Variants in GRM7 observed in about 807,000 individuals in gnomAD.
GRM7 encodes metabotropic glutamate receptor 7.
GRM7 carries 35 observed loss-of-function variants against 84.5 expected under a neutral mutation model. That is an observed-to-expected ratio of 0.41 (90% CI 0.32 to 0.55). The LOEUF (loss-of-function observed/expected upper bound fraction) is 0.55. Ranked by LOEUF, GRM7 falls within the 20% of genes least tolerant of loss-of-function variation. The pLI, the probability that GRM7 is intolerant of heterozygous loss-of-function variation, is 0.19. For missense variants in GRM7, 1,003 were observed against 1,194.6 expected (o/e 0.84, Z 2.36); for synonymous variants, 487 against 455.1 (o/e 1.07, Z -0.89).
chr3:7,390,078 G>A (rs73013671), intron 4 of GRM7, among the ~76,000 whole-genome samples: 1 of 152,038 alleles, frequency 6.6e-6, no homozygotes, highest in Non-Finnish European at 1.5e-5. Flanking sequence ...GTGATTGCTT[G>A]TCTGGGAAAT....
chr3:7,167,304 C>T (rs1350053259), intron 2 of GRM7, among the ~76,000 whole-genome samples: 1 of 152,200 alleles, frequency 6.6e-6, no homozygotes, highest in African/African-American at 2.4e-5. Context: ...GCCTGTGACA[C>T]AGGGCCCTCA....
chr3:7,457,872 G>T (rs1698083808), intron 6 of GRM7, among the ~76,000 whole-genome samples: 1 of 152,162 alleles, frequency 6.6e-6, no homozygotes, highest in Non-Finnish European at 1.5e-5. Flanking sequence ...TGTCAGACAT[G>T]AGAGCCTCGA....
At chr3:7,113,258 C>T (rs1692921880) in intron 1 of GRM7, among the ~76,000 whole-genome samples, 1 of 151,996 alleles carries the variant, frequency 6.6e-6, no homozygotes, top group South Asian at 2.1e-4. Context: ...ATTATAGTGA[C>T]TTTATTTTAT....
At chr3:6,912,021 A>C (rs570782735) in intron 1 of GRM7, among the ~76,000 whole-genome samples, 1 of 152,256 alleles carries the variant, frequency 6.6e-6, no homozygotes, top group African/African-American at 2.4e-5. Context: ...TCTCAGTGTT[A>C]AGCCAGATTC....
At chr3:7,451,719 GTGA>G (rs1697777188) in intron 5 of GRM7, 1 of 152,132 alleles carries the variant, frequency 6.6e-6, no homozygotes, top group East Asian at 1.9e-4. Flanking sequence ...ACCTCACAAA[GTGA>G]TGATGACATA....
intron 1 of GRM7, among the ~76,000 whole-genome samples, chr3:6,993,185 A>T (rs1211202597): frequency 6.6e-6 from 1 of 152,178 alleles, no homozygotes; most frequent in Admixed American, 6.5e-5. Flanking sequence ...TCTCGTGAGA[A>T]CTTACTATCA....
intron 9 of GRM7, among the ~76,000 whole-genome samples, chr3:7,734,706 A>C (rs1393471252): frequency 6.6e-6 from 1 of 152,214 alleles, no homozygotes; most frequent in Non-Finnish European, 1.5e-5. Flanking sequence ...AGATGGAGAA[A>C]GTCTCCATTG....
chr3:7,715,753 T>G (rs1701751788), intron 9 of GRM7, among the ~76,000 whole-genome samples: 1 of 152,178 alleles, frequency 6.6e-6, no homozygotes, highest in African/African-American at 2.4e-5. Context: ...ATCTCACATA[T>G]GAACACTCCA....
At chr3:7,306,840 G>C (rs57061655) in intron 4 of GRM7, among the ~76,000 whole-genome samples, 188 bp downstream of exon 4, 16 of 152,244 alleles carry the variant, frequency 1.1e-4, no homozygotes, top group African/African-American at 3.9e-4. Context: ...TTCCTCTTTT[G>C]AGGAGATCAT....
chr3:7,655,029 T>C (rs1699117996), intron 8 of GRM7, among the ~76,000 whole-genome samples: 1 of 152,200 alleles, frequency 6.6e-6, no homozygotes, highest in Non-Finnish European at 1.5e-5. Context: ...GTGGTTCTAG[T>C]TCTGTGAACA....
chr3:6,996,931 C>T (rs1262904657), intron 1 of GRM7, among the ~76,000 whole-genome samples: 1 of 152,152 alleles, frequency 6.6e-6, no homozygotes, highest in Non-Finnish European at 1.5e-5. Context: ...CCATGCAATT[C>T]CCTGTCCTAC....
At position 6,890,346 on chromosome 3, in the gene GRM7, C is replaced by T. The variant is rs568549826; in HGVS notation, c.519+28439C>T. On this transcript the variant is annotated intron_variant, in intron 1 of 9. Coordinates refer to ENST00000357716, the MANE Select transcript of GRM7 (RefSeq NM_000844.4). ...GTTAGGGTGTCAATTTTGGATCTTTCGTGCTTTCTCTTGAGGGCATTTAAT... is the reference window on the plus strand; with the variant it reads ...GTTAGGGTGTCAATTTTGGATCTTTTGTGCTTTCTCTTGAGGGCATTTAAT... Among the ~76,000 whole-genome samples, 4 of 152,070 alleles carry T rather than the reference C, an allele frequency of 2.6e-5. No homozygotes were observed. The East Asian group carries it at 5.8e-4, about 22-fold the overall frequency.
intron 1 of GRM7, among the ~76,000 whole-genome samples, chr3:6,995,395 C>T (rs931160408): frequency 7.2e-5 from 11 of 152,110 alleles, no homozygotes; most frequent in East Asian, 5.8e-4. Context: ...AAGCAGACGG[C>T]GGTCAGATTC....
chr3:7,076,268 T>C (rs150299357), intron 1 of GRM7, among the ~76,000 whole-genome samples: 106 of 152,288 alleles, frequency 7.0e-4, no homozygotes, highest in Admixed American at 1.6e-3. Flanking sequence ...TTCCTGCACC[T>C]GATATGGTTT....
intron 1 of GRM7, among the ~76,000 whole-genome samples, chr3:7,128,090 CATAAT>C (rs1276430703): frequency 6.0e-5 from 9 of 151,180 alleles, no homozygotes; most frequent in African/African-American, 9.7e-5. Context: ...ATAGATTACT[CATAAT>C]ATATATAATA....
At chr3:7,575,753 T>C (rs1694928988) in intron 7 of GRM7, among the ~76,000 whole-genome samples, 1 of 152,150 alleles carries the variant, frequency 6.6e-6, no homozygotes, top group Non-Finnish European at 1.5e-5. Context: ...CAAATACAAA[T>C]AAATTGAGTT....
At chr3:7,656,527 A>ATATT (rs1279196001) in intron 8 of GRM7, among the ~76,000 whole-genome samples, 2 of 102,774 alleles carry the variant, frequency 1.9e-5, no homozygotes, top group African/African-American at 8.1e-5. Flanking sequence ...AAAAAAATAT[A>ATATT]TATATATATA....
At chr3:7,197,694 G>A (rs982063748) in intron 2 of GRM7, among the ~76,000 whole-genome samples, 12 of 126,656 alleles carry the variant, frequency 9.5e-5, no homozygotes, top group East Asian at 4.0e-4. Flanking sequence ...TACTTTTTAC[G>A]ACAAGTTTTT....
At chr3:7,340,027 ATAT>A (rs1701577998) in intron 4 of GRM7, among the ~76,000 whole-genome samples, 1 of 152,120 alleles carries the variant, frequency 6.6e-6, no homozygotes, top group Non-Finnish European at 1.5e-5. Context: ...GAGTATAGTA[ATAT>A]TATTATATTT....
Sources: gnomAD v4.1 joint callset for allele counts (sites outside exome capture counted in the v4.1 genomes callset) on GRCh38, gnomAD v4.1.1 for gene constraint, MANE v1.5 for transcripts, NCBI Gene and HGNC (gene_info 2026-07-23, HGNC 2026-07-21) for gene names.